Variants in PDZD2 observed in about 807,000 individuals in gnomAD.
PDZD2 encodes PDZ domain-containing protein 2.
PDZD2 carries 90 observed loss-of-function variants against 220.7 expected under a neutral mutation model. That is an observed-to-expected ratio of 0.41 (90% CI 0.34 to 0.49). The LOEUF (loss-of-function observed/expected upper bound fraction) is 0.49. Ranked by LOEUF, PDZD2 falls within the 20% of genes least tolerant of loss-of-function variation. PDZD2 has a pLI of 0.28. For synonymous variants in PDZD2, 1,375 were observed against 1,450.5 expected, an observed-to-expected ratio of 0.95 and a Z score of 1.18; for missense variants, 3,174 against 3,608.5, an observed-to-expected ratio of 0.88 and a Z score of 3.08.
chr5:32,002,942 AAC>A (rs1292047724), intron 5 of PDZD2, among the ~76,000 whole-genome samples: 14 of 81,954 alleles, frequency 1.7e-4, no homozygotes, highest in East Asian at 8.4e-4. Context: ...ACACACCACG[AAC>A]ACACACACAC....
chr5:31,777,380 C>A (rs1580734567), intron 1 of PDZD2, among the ~76,000 whole-genome samples: 1 of 152,228 alleles, frequency 6.6e-6, no homozygotes, highest in African/African-American at 2.4e-5. Context: ...ATGCCTGAGC[C>A]CCCCTCCCCT....
Position 32,090,356 on chromosome 5 carries a change from A to G in PDZD2, c.6908A>G (p.Glu2303Gly). The G allele has an allele frequency of 6.2e-7, 1 of 1,614,190 alleles. No homozygotes were observed. The stretch of plus-strand genomic sequence containing the variant: ...GAAGGGGATATCATTTCAGTCCAGG[A>G]GACGAGCTGCCTAGTCACAGACAAA... The part of the protein sequence containing the change: ...TDEGDIISVQ[E>G]TSCLVTDKIK... Residue 2303 changes from glutamate to glycine, a missense_variant, in exon 20 of 25, where the codon GAG (glutamate) becomes GGG (glycine). Around this residue, in one of 4 missense-constraint regions of PDZD2, gnomAD observed 631 missense variants for 789.9 expected, o/e 0.80. Transcript: ENST00000438447. The surrounding 1 kb of genome is among the most constrained non-coding windows in gnomAD (Gnocchi z 4.3).
At chr5:31,678,117 G>A (rs1388944855) in intron 1 of PDZD2, among the ~76,000 whole-genome samples, 1 of 152,160 alleles carries the variant, frequency 6.6e-6, no homozygotes, top group African/African-American at 2.4e-5. Context: ...TCCAGACATG[G>A]GGGACAGATG....
intron 2 of PDZD2, among the ~76,000 whole-genome samples, chr5:31,874,594 C>T (rs1315009605): frequency 1.3e-5 from 2 of 151,988 alleles, no homozygotes; most frequent in Non-Finnish European, 2.9e-5. Flanking sequence ...AACCCCATCT[C>T]TACTAAAAGT....
chr5:31,991,135 A>G (rs1007878611), intron 3 of PDZD2, among the ~76,000 whole-genome samples: 1 of 151,872 alleles, frequency 6.6e-6, no homozygotes, highest in Non-Finnish European at 1.5e-5. Context: ...TGGAGTTTGA[A>G]CCTTATTCTC....
At chr5:31,831,911 CAAAA>C (rs56394577) in intron 2 of PDZD2, among the ~76,000 whole-genome samples, 21 of 63,732 alleles carry the variant, frequency 3.3e-4, no homozygotes, top group African/African-American at 1.2e-3. Context: ...GAGACTGTTT[CAAAA>C]AAAAAAAAAA....
Position 32,058,225 on chromosome 5 carries a change from A to G in PDZD2, c.2200+122A>G, listed in dbSNP as rs1321003170. 12 of 656,026 alleles carry G rather than the reference A, an allele frequency of 1.8e-5. No individual in the cohort carries two copies. The East Asian group carries it at 3.3e-4, about 18-fold the overall frequency. 40.6% of individuals were successfully genotyped at this position (656,026 alleles called of 1,614,324 possible). A position where few individuals can be genotyped will look rare whatever the true frequency, so the allele number is the denominator to read the frequency against. ...CCTTTGGTACAATCTTCTATCAACA[A>G]CACGTGGTCTCTGCATGGGACAGTG... On this transcript the variant is annotated intron_variant, in intron 12 of 24. Transcript: ENST00000438447.
intron 1 of PDZD2, among the ~76,000 whole-genome samples, chr5:31,777,635 G>A (rs1752776093): frequency 6.6e-6 from 1 of 152,208 alleles, no homozygotes; most frequent in Non-Finnish European, 1.5e-5. Context: ...GATTGTATAT[G>A]CACCAATCAG....
At chr5:32,036,927 A>G (rs1381031400) in intron 6 of PDZD2, among the ~76,000 whole-genome samples, 2 of 152,202 alleles carry the variant, frequency 1.3e-5, no homozygotes, top group African/African-American at 4.8e-5. Flanking sequence ...CAGGTGTAGG[A>G]TGGAAGACGA....
At chr5:31,904,695 T>G (rs1245801830) in intron 2 of PDZD2, among the ~76,000 whole-genome samples, 2 of 151,828 alleles carry the variant, frequency 1.3e-5, no homozygotes, top group Non-Finnish European at 2.9e-5. Flanking sequence ...ACCCAGCTAA[T>G]TTTTTTGTAT....
chr5:31,855,912 A>G (rs1285345764), intron 2 of PDZD2, among the ~76,000 whole-genome samples: 1 of 152,196 alleles, frequency 6.6e-6, no homozygotes, highest in Non-Finnish European at 1.5e-5. Context: ...GTCTTGTCTC[A>G]TGAGATGGAG....
intron 1 of PDZD2, among the ~76,000 whole-genome samples, chr5:31,664,293 G>A (rs745638406): frequency 9.9e-5 from 15 of 151,986 alleles, no homozygotes; most frequent in Admixed American, 1.3e-4. Context: ...ACGCACCACC[G>A]CACCCAGCTG....
chr5:31,830,344 T>TTTTA (rs1253109867), intron 2 of PDZD2, among the ~76,000 whole-genome samples: 5 of 146,830 alleles, frequency 3.4e-5, no homozygotes, highest in African/African-American at 7.6e-5. Context: ...TTTTTTTTTT[T>TTTTA]TTTTTGTATT....
chr5:31,930,435 G>A (rs1024345316), intron 2 of PDZD2, among the ~76,000 whole-genome samples: 2 of 151,760 alleles, frequency 1.3e-5, no homozygotes, highest in Non-Finnish European at 2.9e-5. Context: ...TCCTGACCTC[G>A]TGATCCGCCC....
At chr5:31,963,672 G>A (rs552879782) in intron 2 of PDZD2, among the ~76,000 whole-genome samples, 19 of 152,334 alleles carry the variant, frequency 1.2e-4, no homozygotes, top group Admixed American at 2.6e-4. Flanking sequence ...GCCAGAAGGC[G>A]TTCTGTTTTC....
At chr5:31,977,948 T>G (rs1749933417) in intron 2 of PDZD2, among the ~76,000 whole-genome samples, 1 of 152,208 alleles carries the variant, frequency 6.6e-6, no homozygotes, top group Admixed American at 6.5e-5. Context: ...CACTCCAGCC[T>G]GGGCAACAGA....
At chr5:31,949,509 C>T (rs1014186491) in intron 2 of PDZD2, among the ~76,000 whole-genome samples, 3 of 152,106 alleles carry the variant, frequency 2.0e-5, no homozygotes, top group Non-Finnish European at 4.4e-5. Flanking sequence ...ACCTGTGGCA[C>T]CCTGAAGTGG....
chr5:32,036,104 C>T (rs573358334), intron 6 of PDZD2, among the ~76,000 whole-genome samples: 15 of 152,168 alleles, frequency 9.9e-5, no homozygotes, highest in South Asian at 6.2e-4. Context: ...CCACCATGCC[C>T]GGCTAATTTC....
At chr5:31,668,311 T>C (rs978856073) in intron 1 of PDZD2, among the ~76,000 whole-genome samples, 1 of 152,238 alleles carries the variant, frequency 6.6e-6, no homozygotes, top group Non-Finnish European at 1.5e-5. Flanking sequence ...CAATGGAAGT[T>C]GGTGGAAGAC....
Sources: gnomAD v4.1 joint callset for allele counts (sites outside exome capture counted in the v4.1 genomes callset) on GRCh38, gnomAD v4.1.1 for gene constraint, gnomAD v4.1.1 regional missense constraint, Gnocchi (gnomAD v3.1) non-coding constraint, MANE v1.5 for transcripts, NCBI Gene and HGNC (gene_info 2026-07-23, HGNC 2026-07-21) for gene names.